Variants in NAALADL2 observed in about 807,000 individuals in gnomAD.
The protein encoded by NAALADL2 is N-acetylated alpha-linked acidic dipeptidase like 2.
NAALADL2 carries 76 observed loss-of-function variants against 87.2 expected under a neutral mutation model. The ratio of observed to expected loss-of-function variants is 0.87; its 90% CI spans 0.72 to 1.05. The LOEUF is 1.05. Ranked by LOEUF, NAALADL2 falls within the 50% of genes least tolerant of loss-of-function variation. The probability of loss-of-function intolerance (pLI) is 0.00; values close to 1 mark genes in which losing one functional copy is unlikely to be tolerated. For missense variants in NAALADL2, 1,089 were observed against 945.8 expected, an observed-to-expected ratio of 1.15 and a Z score of -1.99; for synonymous variants, 354 against 331.0, an observed-to-expected ratio of 1.07 and a Z score of -0.75.
In NAALADL2 at chr3:175,737,382, T is replaced by A. The variant is rs1744639792; in HGVS notation, c.1973T>A (p.Val658Asp). 1 of 1,603,418 alleles carries A rather than the reference T, an allele frequency of 6.2e-7. No individual in the cohort carries two copies. The highest frequency in any genetic ancestry group is 1.7e-4 in the Middle Eastern group (1 of 6,050). Residue 658 changes from valine to aspartate, a missense_variant, in exon 12 of 14, where the codon GTT becomes GAT. Coordinates refer to ENST00000454872, the MANE Select transcript of NAALADL2 (RefSeq NM_207015.3). ...PFNALDIALEVQNNLKGDQPN... is the reference protein window; with the variant it reads ...PFNALDIALEDQNNLKGDQPN... ...AATGCACTTGATATAGCTTTAGAAG[T>A]TCAAAACAACCTTAAAGGTAATTTT...
At chr3:175,056,045 T>G (rs1051091481) in intron 1 of NAALADL2, among the ~76,000 whole-genome samples, 8 of 152,304 alleles carry the variant, frequency 5.3e-5, no homozygotes, top group African/African-American at 1.9e-4. Flanking sequence ...GCTGAATTCC[T>G]GCCTGAATAG....
chr3:175,695,848 G>A (rs559079231), intron 11 of NAALADL2, among the ~76,000 whole-genome samples: 191 of 152,068 alleles, frequency 1.3e-3, no homozygotes, highest in Non-Finnish European at 2.3e-3. Flanking sequence ...ATGGTGATAC[G>A]GTTTATCAGT....
intron 3 of NAALADL2, among the ~76,000 whole-genome samples, chr3:174,823,899 C>T (rs1004688721): frequency 2.6e-5 from 4 of 152,010 alleles, no homozygotes; most frequent in South Asian, 2.1e-4. Flanking sequence ...TTAGTAGATA[C>T]GAGATTTCAC....
In NAALADL2 at chr3:175,042,584, CTCA is replaced by C. The variant is rs1311194636; in HGVS notation, c.44-54199_44-54197del. On this transcript the variant is annotated intron_variant, in intron 1 of 13. Coordinates refer to ENST00000454872, the MANE Select transcript of NAALADL2 (RefSeq NM_207015.3). ...ATAAGGGTTCCCTTTCCTCCACATC[CTCA>C]TCATCACTTCTTATCTTCTGACTTT... 5.9e-5 allele frequency among the ~76,000 whole-genome samples: 9 copies of C among 152,150 alleles called. No homozygotes were observed. In the South Asian group the frequency reaches 1.9e-3, roughly 32 times the overall value.
At chr3:174,822,230 G>T (rs192494333) in intron 3 of NAALADL2, among the ~76,000 whole-genome samples, 2 of 151,980 alleles carry the variant, frequency 1.3e-5, no homozygotes, top group Non-Finnish European at 2.9e-5. Context: ...ATATGAGAGC[G>T]GATAGACCCT....
chr3:174,956,761 C>G (rs1419107448), intron 1 of NAALADL2, among the ~76,000 whole-genome samples: 2 of 151,928 alleles, frequency 1.3e-5, no homozygotes, highest in Admixed American at 1.3e-4. Flanking sequence ...AGTGGAGGTC[C>G]TTTTGCACTG....
At chr3:175,351,073 T>A (rs1763708020) in intron 5 of NAALADL2, among the ~76,000 whole-genome samples, 1 of 152,156 alleles carries the variant, frequency 6.6e-6, no homozygotes, top group East Asian at 1.9e-4. Flanking sequence ...TTTAATATGT[T>A]CAGTAAATGT....
intron 3 of NAALADL2, among the ~76,000 whole-genome samples, chr3:174,793,820 C>A (rs80208603): frequency 7.4e-6 from 1 of 136,014 alleles, no homozygotes; most frequent in Non-Finnish European, 1.6e-5. Context: ...TTTTTTTTTT[C>A]TTTTCAGATC....
At chr3:175,363,803 T>TTTAA (rs1188027166) in intron 5 of NAALADL2, among the ~76,000 whole-genome samples, 2 of 148,176 alleles carry the variant, frequency 1.3e-5, no homozygotes, top group African/African-American at 4.9e-5. Context: ...TTGCTTTGAC[T>TTTAA]TTAACTCAAG....
At chr3:174,922,126 T>A (rs780586526) in intron 1 of NAALADL2, among the ~76,000 whole-genome samples, 178 of 152,042 alleles carry the variant, frequency 1.2e-3, no homozygotes, top group Admixed American at 2.0e-3. Context: ...GCCAAAAGAA[T>A]GAAACCCCAT....
chr3:175,062,811 T>G (rs1713785701), intron 1 of NAALADL2, among the ~76,000 whole-genome samples: 1 of 152,130 alleles, frequency 6.6e-6, no homozygotes. Flanking sequence ...CTAATTGTAT[T>G]TAGCAAGCAC....
intron 1 of NAALADL2, among the ~76,000 whole-genome samples, chr3:174,980,856 T>C (rs1221511370): frequency 2.0e-5 from 3 of 152,158 alleles, no homozygotes; most frequent in African/African-American, 7.2e-5. Flanking sequence ...AATTATTTAT[T>C]TGAACAGTTC....
chr3:174,698,639 C>T (rs776497150), intron 2 of NAALADL2, among the ~76,000 whole-genome samples: 5 of 96,060 alleles, frequency 5.2e-5, no homozygotes, highest in Non-Finnish European at 8.7e-5. Context: ...CCGAGGCGGG[C>T]AGATCACGAG....
rs77484197 is a variant in NAALADL2 at position 174,889,969 on chromosome 3, A to G, written c.43+30519A>G. On this transcript the variant is annotated intron_variant, in intron 1 of 13. Coordinates refer to ENST00000454872, the MANE Select transcript of NAALADL2 (RefSeq NM_207015.3). ...TGAGTGTGTGAATTTTTCCCCTTCA[A>G]TGTTTCTTAAAAGAAGTAAGTAGAG... Among the ~76,000 whole-genome samples the G allele has an allele frequency of 2.5e-4, 38 of 152,236 alleles. No homozygotes were observed. The East Asian group carries it at 5.6e-3, about 22-fold the overall frequency.
chr3:175,207,669 T>C (rs1235719531), intron 2 of NAALADL2, among the ~76,000 whole-genome samples: 1 of 152,144 alleles, frequency 6.6e-6, no homozygotes, highest in Admixed American at 6.6e-5. Flanking sequence ...CCTTCTTTGA[T>C]TATTCCTTCA....
chr3:174,604,779 T>C (rs1483555482), intron 2 of NAALADL2, among the ~76,000 whole-genome samples: 1 of 151,972 alleles, frequency 6.6e-6, no homozygotes, highest in Non-Finnish European at 1.5e-5. Flanking sequence ...TCTTTTCTTT[T>C]TTTTTTTGAG....
chr3:175,100,458 A>G (rs1349663476), intron 2 of NAALADL2, among the ~76,000 whole-genome samples: 2 of 152,190 alleles, frequency 1.3e-5, no homozygotes, highest in Non-Finnish European at 2.9e-5. Flanking sequence ...ACTTGGAATA[A>G]CTTGATATCT....
chr3:174,794,244 T>C (rs1717807658), intron 3 of NAALADL2, among the ~76,000 whole-genome samples: 1 of 152,170 alleles, frequency 6.6e-6, no homozygotes, highest in South Asian at 2.1e-4. Flanking sequence ...ATTGCTCTAG[T>C]ATTTACTCAA....
chr3:174,854,774 CATT>C (rs1448867908), upstream of NAALADL2, among the ~76,000 whole-genome samples: 3 of 149,458 alleles, frequency 2.0e-5, no homozygotes, highest in African/African-American at 7.4e-5. Flanking sequence ...AACACAGTAT[CATT>C]GTTTTTATTA....
Sources: gnomAD v4.1 joint callset for allele counts (sites outside exome capture counted in the v4.1 genomes callset) on GRCh38, gnomAD v4.1.1 for gene constraint, MANE v1.5 for transcripts, NCBI Gene and HGNC (gene_info 2026-07-23, HGNC 2026-07-21) for gene names.